XIRP2: variants seen among roughly 807,000 people sequenced by gnomAD.
The protein encoded by XIRP2 is xin actin-binding repeat-containing protein 2.
A neutral mutation model predicts 277.0 loss-of-function variants in XIRP2; 236 were observed. The ratio of observed to expected loss-of-function variants is 0.85; its 90% CI spans 0.77 to 0.95. The LOEUF (loss-of-function observed/expected upper bound fraction) is 0.95, where lower values mean the gene tolerates loss of function less well. Ranked by LOEUF, XIRP2 falls within the 40% of genes least tolerant of loss-of-function variation. The pLI is 0.00. For missense variants in XIRP2, 4,640 were observed against 4,157.5 expected (o/e 1.12, Z -3.19); for synonymous variants, 1,490 against 1,416.5 (o/e 1.05, Z -1.17).
intron 2 of XIRP2, among the ~76,000 whole-genome samples, chr2:167,063,267 A>G (rs909980284): frequency 6.6e-6 from 1 of 151,976 alleles, no homozygotes; most frequent in Non-Finnish European, 1.5e-5. Flanking sequence ...TTCAGACAAT[A>G]TACTTTGTAT....
At chr2:167,145,755 T>C (rs145523569) in intron 3 of XIRP2, among the ~76,000 whole-genome samples, 1 of 152,254 alleles carries the variant, frequency 6.6e-6, no homozygotes, top group Non-Finnish European at 1.5e-5. Context: ...AGCCCCAAAC[T>C]GAGAAATTAA....
intron 2 of XIRP2, among the ~76,000 whole-genome samples, chr2:167,012,592 G>A (rs1687710604): frequency 6.6e-6 from 1 of 151,556 alleles, no homozygotes; most frequent in African/African-American, 2.4e-5. Flanking sequence ...CCATCATTAT[G>A]ACATAGTAGG....
At position 167,249,130 on chromosome 2, in the gene XIRP2, A is replaced by G. The variant is rs751708843; in HGVS notation, c.7738A>G (p.Ile2580Val). 6.2e-6 allele frequency: 10 copies of G among 1,613,710 alleles called. No individual in the cohort carries two copies. Among genetic ancestry groups the G allele is most frequent in the Non-Finnish European group, 8.5e-6 (10 of 1,179,842 alleles). ...TAAAACTCAAAGCCAAAATCAACAC[A>G]TAACAGAGGTGGAAAAGGAAATGCC... ...IVKTQSQNQH[I>V]TEVEKEMPLQ... Residue 2580 changes from isoleucine (I) to valine (V), a missense_variant, in exon 9 of 11, where the codon ATA becomes GTA. By Grantham distance (29) the Ile-to-Val change is conservative. Transcript: ENST00000409195.
intron 1 of XIRP2, among the ~76,000 whole-genome samples, chr2:166,893,780 T>G (rs1356871716): frequency 1.3e-5 from 2 of 152,170 alleles, no homozygotes; most frequent in African/African-American, 4.8e-5. Context: ...TAATCATAGA[T>G]TTCTTAGATT....
At chr2:167,241,969 A>G (rs775783440) in intron 8 of XIRP2, 59 bp downstream of exon 8, 10 of 1,483,574 alleles carry the variant, frequency 6.7e-6, no homozygotes, top group Non-Finnish European at 8.0e-6. Flanking sequence ...TAAATGTGTA[A>G]CATTTTCAAA....
chr2:166,909,081 G>T (rs1684623515), intron 2 of XIRP2, among the ~76,000 whole-genome samples: 1 of 152,128 alleles, frequency 6.6e-6, no homozygotes, highest in East Asian at 1.9e-4. Flanking sequence ...TTTGGCTTAG[G>T]ATTGTCTTGG....
At chr2:167,133,709 T>C (rs932995413) in intron 2 of XIRP2, among the ~76,000 whole-genome samples, 1 of 152,188 alleles carries the variant, frequency 6.6e-6, no homozygotes, top group South Asian at 2.1e-4. Context: ...TCTCATCTTG[T>C]TTTTGCCAAT....
intron 3 of XIRP2, among the ~76,000 whole-genome samples, chr2:167,192,471 C>A (rs1693377315): frequency 6.6e-6 from 1 of 152,156 alleles, no homozygotes; most frequent in South Asian, 2.1e-4. Context: ...AACAATAGAA[C>A]TGAGTGCTCC....
intron 5 of XIRP2, among the ~76,000 whole-genome samples, chr2:167,231,138 G>A (rs919525990): frequency 6.6e-6 from 1 of 151,984 alleles, no homozygotes; most frequent in African/African-American, 2.4e-5. Flanking sequence ...ACCTTGCAAT[G>A]CTTAGATCCA....
intron 1 of XIRP2, among the ~76,000 whole-genome samples, chr2:166,898,990 G>A (rs1474198042): frequency 6.6e-6 from 1 of 151,946 alleles, no homozygotes; most frequent in Non-Finnish European, 1.5e-5. Flanking sequence ...TTATGCCTTG[G>A]GCATTTACAT....
chr2:167,053,976 CA>C (rs1688981063), intron 2 of XIRP2, among the ~76,000 whole-genome samples: 1 of 152,076 alleles, frequency 6.6e-6, no homozygotes, highest in South Asian at 2.1e-4. Flanking sequence ...TATTATGGTT[CA>C]AGAATTGTGT....
At chr2:167,210,996 TA>T in intron 4 of XIRP2, 101 bp downstream of exon 4, 1 of 1,427,840 alleles carries the variant, frequency 7.0e-7, no homozygotes, top group Non-Finnish European at 9.4e-7. Flanking sequence ...GACAGGGGGC[TA>T]AAGTAGAAAG....
In XIRP2 at chr2:167,249,573, C is replaced by T. The variant is rs369997825; in HGVS notation, c.8181C>T (p.His2727=). Residue 2727 remains histidine, a synonymous_variant, in exon 9 of 11, where the codon CAC becomes CAT. Transcript: ENST00000409195. ...ATCATACATTAAATGAAACAGACCA[C>T]AGCTATGAAAGTCATAAACAGCAAT... ...TLDHTLNETD[H]SYESHKQQSE... The T allele has an allele frequency of 1.9e-6, 3 of 1,613,492 alleles. No individual in the cohort carries two copies. Among genetic ancestry groups the T allele is most frequent in the Non-Finnish European group, 2.5e-6 (3 of 1,179,794 alleles).
chr2:167,113,562 G>A (rs937336444), intron 2 of XIRP2, among the ~76,000 whole-genome samples: 3 of 152,144 alleles, frequency 2.0e-5, no homozygotes, highest in Non-Finnish European at 4.4e-5. Flanking sequence ...GTCTCTTGAA[G>A]ATAGCATACC....
chr2:166,961,264 C>CT (rs1331069221), intron 2 of XIRP2, among the ~76,000 whole-genome samples: 1 of 151,586 alleles, frequency 6.6e-6, no homozygotes, highest in African/African-American at 2.4e-5. Context: ...ATCAAAAGAG[C>CT]TATGACAGAG....
intron 2 of XIRP2, among the ~76,000 whole-genome samples, chr2:167,052,578 A>G (rs543001470): frequency 2.4e-4 from 37 of 152,244 alleles, no homozygotes; most frequent in African/African-American, 8.7e-4. Context: ...ATTTTCTTCC[A>G]TCGATCTACA....
intron 5 of XIRP2, among the ~76,000 whole-genome samples, chr2:167,238,489 A>G (rs1014211878): frequency 1.3e-5 from 2 of 152,132 alleles, no homozygotes; most frequent in African/African-American, 4.8e-5. Context: ...TCCTTGGTTG[A>G]TGAGATTTTA....
intron 2 of XIRP2, among the ~76,000 whole-genome samples, chr2:167,054,257 A>G (rs1404560886): frequency 1.3e-5 from 2 of 152,240 alleles, no homozygotes; most frequent in African/African-American, 4.8e-5. Flanking sequence ...CACACAAACA[A>G]TAATAGATGC....
chr2:167,009,759 A>C (rs1002735152), intron 2 of XIRP2, among the ~76,000 whole-genome samples: 4 of 152,072 alleles, frequency 2.6e-5, no homozygotes, highest in African/African-American at 9.7e-5. Flanking sequence ...TCGCTATTCT[A>C]ACTGGTGTGA....
Sources: allele counts gnomAD v4.1 joint callset (sites outside exome capture counted in the v4.1 genomes callset), GRCh38; gene constraint gnomAD v4.1.1; transcripts MANE v1.5; gene names NCBI Gene and HGNC (gene_info 2026-07-23, HGNC 2026-07-21).